Variants in RORA observed in about 807,000 individuals in gnomAD.
The protein encoded by RORA is nuclear receptor ROR-alpha.
RORA carries 7 observed loss-of-function variants against 69.5 expected under a neutral mutation model. The observed-to-expected ratio is 0.10, with a 90% CI of 0.06 to 0.19. The LOEUF is 0.19. Among genes scored for constraint, RORA ranks in the 10% least tolerant of loss-of-function variants. The pLI, the probability that RORA is intolerant of heterozygous loss-of-function variation, is 1.00. For synonymous variants in RORA, 261 were observed against 240.8 expected (o/e 1.08, Z -0.78); for missense variants, 457 against 663.0 (o/e 0.69, Z 3.41).
intron 1 of RORA, among the ~76,000 whole-genome samples, chr15:60,683,647 T>C (rs28631600): frequency 2.0e-4 from 30 of 148,726 alleles, no homozygotes; most frequent in South Asian, 1.7e-3. Context: ...CAGATACACA[T>C]ACACACACAC....
At chr15:61,132,517 T>C (rs576569550) in intron 1 of RORA, among the ~76,000 whole-genome samples, 49 of 152,304 alleles carry the variant, frequency 3.2e-4, no homozygotes, top group African/African-American at 1.2e-3. Flanking sequence ...TTTATAGTAA[T>C]CACAAGATAC....
intron 2 of RORA, among the ~76,000 whole-genome samples, chr15:60,567,416 A>ATTATTAT (rs1555432151): frequency 7.0e-6 from 1 of 142,786 alleles, no homozygotes; most frequent in East Asian, 2.0e-4. Context: ...TATTATTATT[A>ATTATTAT]TTTTTTTTTT....
intron 1 of RORA, among the ~76,000 whole-genome samples, chr15:60,852,668 T>A (rs1038811888): frequency 1.3e-4 from 20 of 152,196 alleles, no homozygotes; most frequent in African/African-American, 3.9e-4. Flanking sequence ...GAATAAATAA[T>A]GAGACCTTTA....
At chr15:61,136,805 A>G (rs942054747) in intron 1 of RORA, among the ~76,000 whole-genome samples, 2 of 152,174 alleles carry the variant, frequency 1.3e-5, no homozygotes, top group African/African-American at 4.8e-5. Flanking sequence ...GCCTTCCTCT[A>G]CAGGACACCA....
At position 60,489,161 on chromosome 15, in the gene RORA, T is replaced by C. The variant is rs1274206476; in HGVS notation, c.*8294A>G. The C allele has an allele frequency of 6.6e-6, 1 of 152,240 alleles. No individual in the cohort carries two copies. The highest frequency in any genetic ancestry group is 1.5e-5 in the Non-Finnish European group (1 of 68,040). The allele number at this position is 152,240 out of a possible 1,614,324, so 9.4% of individuals were successfully genotyped here. Reference sequence around the variant, plus strand: ...GGCAGTTAAGGAATGATGTGATTTATATTAAAAGAGATTTCTCCCTCAACT... The same window carrying C: ...GGCAGTTAAGGAATGATGTGATTTACATTAAAAGAGATTTCTCCCTCAACT... On this transcript the variant is annotated 3_prime_UTR_variant, in exon 11 of 11. Coordinates refer to ENST00000335670, the MANE Select transcript of RORA (RefSeq NM_134261.3).
At chr15:60,891,931 C>T (rs965413784) in intron 1 of RORA, among the ~76,000 whole-genome samples, 43 of 152,302 alleles carry the variant, frequency 2.8e-4, no homozygotes, top group African/African-American at 9.4e-4. Context: ...ACCACTCCTA[C>T]AAGCTCTGAT....
chr15:61,132,918 A>C (rs541393839), intron 1 of RORA, among the ~76,000 whole-genome samples: 1 of 152,204 alleles, frequency 6.6e-6, no homozygotes, highest in Non-Finnish European at 1.5e-5. Flanking sequence ...ATCCGGCTAT[A>C]TATCTCTTTG....
chr15:61,004,632 A>G (rs1404492434), intron 1 of RORA, among the ~76,000 whole-genome samples: 1 of 152,156 alleles, frequency 6.6e-6, no homozygotes. Context: ...CCTCTTACAC[A>G]TACACACCCG....
At chr15:61,036,955 C>A (rs1206518772) in intron 1 of RORA, among the ~76,000 whole-genome samples, 1 of 152,028 alleles carries the variant, frequency 6.6e-6, no homozygotes, top group Non-Finnish European at 1.5e-5. Context: ...TCACTTTTAA[C>A]AAACACTACA....
At chr15:61,043,413 T>G (rs1053668187) in intron 1 of RORA, among the ~76,000 whole-genome samples, 2 of 152,182 alleles carry the variant, frequency 1.3e-5, no homozygotes, top group African/African-American at 4.8e-5. Context: ...TCAAGAACTT[T>G]GTAAAAATGA....
chr15:60,616,104 C>T (rs1463754266), intron 2 of RORA, among the ~76,000 whole-genome samples: 1 of 152,176 alleles, frequency 6.6e-6, no homozygotes, highest in Non-Finnish European at 1.5e-5. Flanking sequence ...TATATACACT[C>T]ACATGCATAA....
intron 1 of RORA, among the ~76,000 whole-genome samples, chr15:60,976,933 G>A (rs1197291746): frequency 6.6e-6 from 1 of 152,184 alleles, no homozygotes; most frequent in Non-Finnish European, 1.5e-5. Flanking sequence ...GTGCCTGGAA[G>A]TAAATATCAC....
intron 2 of RORA, among the ~76,000 whole-genome samples, chr15:60,538,999 G>GCA (rs57764714): frequency 0.01 from 1,514 of 150,032 alleles, 22 homozygotes; most frequent in African/African-American, 0.032. Context: ...CCTGCCAAAT[G>GCA]CACACACACA....
At chr15:60,514,334 A>C (rs1408930546) in intron 4 of RORA, among the ~76,000 whole-genome samples, 1 of 152,104 alleles carries the variant, frequency 6.6e-6, no homozygotes, top group Non-Finnish European at 1.5e-5. Flanking sequence ...CCCACCTATA[A>C]TGGCTGAAAT....
intron 1 of RORA, among the ~76,000 whole-genome samples, chr15:60,914,454 G>A (rs1213994562): frequency 1.3e-5 from 2 of 152,122 alleles, no homozygotes; most frequent in Admixed American, 1.3e-4. Context: ...AAATACAAAG[G>A]TGTGCTTTCT....
intron 1 of RORA, among the ~76,000 whole-genome samples, chr15:61,109,023 C>CT (rs1226944462): frequency 6.6e-6 from 1 of 152,110 alleles, no homozygotes; most frequent in Non-Finnish European, 1.5e-5. Context: ...TGGTAAAACT[C>CT]TGTCTCTACT....
intron 1 of RORA, among the ~76,000 whole-genome samples, chr15:60,737,453 C>T (rs2071516562): frequency 6.6e-6 from 1 of 152,106 alleles, no homozygotes; most frequent in South Asian, 2.1e-4. Context: ...TCTGGACCAG[C>T]GGCATGGGCA....
At chr15:61,002,020 G>A (rs902815709) in intron 1 of RORA, among the ~76,000 whole-genome samples, 1 of 152,240 alleles carries the variant, frequency 6.6e-6, no homozygotes, top group African/African-American at 2.4e-5. Flanking sequence ...GGCAGCTGGG[G>A]AGCTGGTGGC....
At chr15:60,790,696 G>A (rs1023390768) in intron 1 of RORA, among the ~76,000 whole-genome samples, 5 of 152,214 alleles carry the variant, frequency 3.3e-5, no homozygotes, top group African/African-American at 1.2e-4. Context: ...TACCACAGGG[G>A]CCAATGCTGG....
Sources: allele counts gnomAD v4.1 joint callset (sites outside exome capture counted in the v4.1 genomes callset), GRCh38; gene constraint gnomAD v4.1.1; transcripts MANE v1.5; gene names NCBI Gene and HGNC (gene_info 2026-07-23, HGNC 2026-07-21).